Variants in SCAPER observed in about 807,000 individuals in gnomAD.
The protein encoded by SCAPER is S phase cyclin A-associated protein in the endoplasmic reticulum.
In SCAPER, 98 loss-of-function variants were observed where a neutral mutation model predicts 182.2. The ratio of observed to expected loss-of-function variants is 0.54; its 90% confidence interval spans 0.46 to 0.64. SCAPER has a LOEUF of 0.64. SCAPER is among the 30% of genes least tolerant of loss of function. The probability of loss-of-function intolerance (pLI) is 0.00; values close to 1 mark genes in which losing one functional copy is unlikely to be tolerated. For synonymous variants in SCAPER, 605 were observed against 564.6 expected (o/e 1.07, Z -1.01); for missense variants, 1,432 against 1,690.0 (o/e 0.85, Z 2.68).
intron 29 of SCAPER, among the ~76,000 whole-genome samples, chr15:76,366,562 G>A (rs1392737455): frequency 6.6e-6 from 1 of 152,074 alleles, no homozygotes; most frequent in Non-Finnish European, 1.5e-5. Flanking sequence ...AAGTATAGTA[G>A]GATAAGGTTC....
At chr15:76,858,700 CT>C (rs2071615076) in intron 3 of SCAPER, among the ~76,000 whole-genome samples, 6 of 152,178 alleles carry the variant, frequency 3.9e-5, no homozygotes, top group Admixed American at 3.9e-4. Context: ...TTAGTTCCCA[CT>C]TATAAATGAG....
At chr15:76,396,439 C>T (rs1567054981) in intron 27 of SCAPER, among the ~76,000 whole-genome samples, 1 of 152,128 alleles carries the variant, frequency 6.6e-6, no homozygotes, top group African/African-American at 2.4e-5. Context: ...AACAATATTG[C>T]TGCTTCCAAT....
chr15:76,707,254 T>C (rs962178364), intron 17 of SCAPER, among the ~76,000 whole-genome samples: 1 of 151,728 alleles, frequency 6.6e-6, no homozygotes, highest in Admixed American at 6.6e-5. Flanking sequence ...AAAACAAATA[T>C]CAAAATGGCG....
chr15:76,534,294 TAAAATCAA>T (rs1480983772), intron 23 of SCAPER, among the ~76,000 whole-genome samples: 3 of 152,202 alleles, frequency 2.0e-5, no homozygotes, highest in Admixed American at 2.0e-4. Flanking sequence ...CAAATTTATC[TAAAATCAA>T]GAAAACAAAG....
chr15:76,673,986 C>A (rs2057207228), intron 20 of SCAPER, among the ~76,000 whole-genome samples: 1 of 146,544 alleles, frequency 6.8e-6, no homozygotes, highest in South Asian at 2.2e-4. Context: ...CACACACACA[C>A]ACACCCCAAT....
At chr15:76,366,178 G>A (rs957722995) in intron 29 of SCAPER, among the ~76,000 whole-genome samples, 2 of 152,110 alleles carry the variant, frequency 1.3e-5, no homozygotes, top group Non-Finnish European at 2.9e-5. Flanking sequence ...GGAGGCACAG[G>A]GAGGTGGGCA....
intron 2 of SCAPER, among the ~76,000 whole-genome samples, chr15:76,875,169 T>A (rs982350750): frequency 1.2e-4 from 18 of 152,028 alleles, no homozygotes; most frequent in African/African-American, 4.4e-4. Context: ...ATTATCCTAA[T>A]CATTTAAGCA....
intron 17 of SCAPER, among the ~76,000 whole-genome samples, chr15:76,710,959 G>T (rs78521131): frequency 4.6e-5 from 7 of 152,006 alleles, no homozygotes; most frequent in African/African-American, 1.2e-4. Flanking sequence ...TTTAACAGAT[G>T]GTAAGGCAGT....
intron 23 of SCAPER, among the ~76,000 whole-genome samples, chr15:76,554,942 A>T (rs578141044): frequency 6.6e-6 from 1 of 152,120 alleles, no homozygotes; most frequent in African/African-American, 2.4e-5. Context: ...CAACATGCCC[A>T]GCTAATTTTT....
intron 21 of SCAPER, among the ~76,000 whole-genome samples, chr15:76,652,514 T>TACATAC (rs2055240754): frequency 1.6e-5 from 1 of 63,356 alleles, no homozygotes; most frequent in South Asian, 6.3e-4. Flanking sequence ...TATATTTACA[T>TACATAC]ACATACACAC....
intron 18 of SCAPER, among the ~76,000 whole-genome samples, chr15:76,705,318 T>C (rs1021383926): frequency 6.9e-6 from 1 of 145,296 alleles, no homozygotes; most frequent in African/African-American, 2.6e-5. Flanking sequence ...AAACACCGCA[T>C]GTTCTCACTC....
Position 76,764,987 on chromosome 15 carries a change from A to G in SCAPER, c.1699T>C (p.Leu567=). The G allele has an allele frequency of 1.3e-6, 2 of 1,599,364 alleles. No individual in the cohort carries two copies. The highest frequency in any genetic ancestry group is 8.5e-7 in the Non-Finnish European group (1 of 1,173,152). The change falls in exon 14 of 32, where the codon TTG becomes CTG. Residue 567 remains leucine (L), a synonymous_variant. Transcript: ENST00000563290. The part of the protein sequence containing the change: ...LREKLREEKT[L]KLQKLLEREK... ...CTTTCTAACAATTTCTGAAGCTTCA[A>G]TGTTTTCTCTTCGCGTAACTTTTCC... is the stretch of plus-strand genomic sequence containing the variant.
chr15:76,868,350 A>C (rs1162510877), intron 2 of SCAPER, among the ~76,000 whole-genome samples: 1 of 152,066 alleles, frequency 6.6e-6, no homozygotes, highest in African/African-American at 2.4e-5. Context: ...CTATGATCGC[A>C]TCATTGCACT....
intron 21 of SCAPER, among the ~76,000 whole-genome samples, chr15:76,650,598 G>A (rs2146519321): frequency 6.6e-6 from 1 of 152,050 alleles, no homozygotes; most frequent in East Asian, 1.9e-4. Flanking sequence ...TCTTTTTGAA[G>A]AAACAAATGG....
At chr15:76,759,727 G>T (rs981523584) in intron 14 of SCAPER, among the ~76,000 whole-genome samples, 1 of 152,036 alleles carries the variant, frequency 6.6e-6, no homozygotes, top group Non-Finnish European at 1.5e-5. Context: ...ATATTAGTGT[G>T]TTTTTTGTCT....
chr15:76,637,176 C>T (rs1261406310), intron 21 of SCAPER, among the ~76,000 whole-genome samples: 1 of 152,084 alleles, frequency 6.6e-6, no homozygotes, highest in Non-Finnish European at 1.5e-5. Context: ...TGACTCCATT[C>T]CTTCTGATCC....
intron 23 of SCAPER, among the ~76,000 whole-genome samples, chr15:76,558,905 C>A (rs1485087130): frequency 6.6e-6 from 1 of 152,134 alleles, no homozygotes; most frequent in Non-Finnish European, 1.5e-5. Context: ...TGTGTCCCCA[C>A]CCAAATCTCA....
At chr15:76,682,857 C>T (rs1229898264) in intron 20 of SCAPER, among the ~76,000 whole-genome samples, 1 of 151,150 alleles carries the variant, frequency 6.6e-6, no homozygotes, top group East Asian at 2.0e-4. Flanking sequence ...CACCTTATAA[C>T]ACAATGAAAC....
chr15:76,618,751 A>C lies in SCAPER; in HGVS notation c.2711+3013T>G, dbSNP rs1339037566. On this transcript the variant is annotated intron_variant, in intron 22 of 31. Coordinates refer to ENST00000563290, the MANE Select transcript of SCAPER (RefSeq NM_020843.4). ...AGTTTTAAAAGTAAATATGTATTTC[A>C]AAAATTATATAATGAGCACATGAAG... 2.0e-5 allele frequency among the ~76,000 whole-genome samples: 3 copies of C among 152,370 alleles called. No individual in the cohort carries two copies. In the East Asian group the frequency reaches 5.8e-4, roughly 29 times the overall value.
Sources: allele counts gnomAD v4.1 joint callset (sites outside exome capture counted in the v4.1 genomes callset), GRCh38; gene constraint gnomAD v4.1.1; transcripts MANE v1.5; gene names NCBI Gene and HGNC (gene_info 2026-07-23, HGNC 2026-07-21).